Variants in SMTN observed in about 807,000 individuals in gnomAD.
The protein encoded by SMTN is smoothelin.
In SMTN, 58 loss-of-function variants were observed where a neutral mutation model predicts 102.0. The observed-to-expected ratio is 0.57, with a 90% CI of 0.46 to 0.71. The LOEUF (loss-of-function observed/expected upper bound fraction) is 0.71. Ranked by LOEUF, SMTN falls within the 30% of genes least tolerant of loss-of-function variation. SMTN has a pLI of 0.00. For synonymous variants in SMTN, 478 were observed against 497.9 expected (o/e 0.96, Z 0.53); for missense variants, 1,185 against 1,241.7 (o/e 0.95, Z 0.69).
At chr22:31,100,032 A>T in intron 19 of SMTN, 136 bp downstream of exon 19, 1 of 849,222 alleles carries the variant, frequency 1.2e-6, no homozygotes, top group East Asian at 2.7e-5. Flanking sequence ...CCTTCCCCAG[A>T]GAGTCCCCGT....
rs1602682768 is a variant in SMTN, at chr22:31,101,030, C to T, written c.*1C>T. ...GCTGGTAAAAACCAAAAAGTCCTAA[C>T]CCCTGCTCGGGGCCCCACGGTGAGA... On this transcript the variant is annotated 3_prime_UTR_variant, in exon 20 of 21. Transcript: ENST00000333137. 1 of 1,607,162 alleles carries T rather than the reference C, an allele frequency of 6.2e-7. No individual in the cohort carries two copies. Among genetic ancestry groups the T allele is most frequent in the Non-Finnish European group, 8.5e-7 (1 of 1,175,658 alleles).
intron 19 of SMTN, among the ~76,000 whole-genome samples, chr22:31,100,545 A>C: frequency 1.5e-5 from 2 of 134,428 alleles, no homozygotes; most frequent in Admixed American, 7.3e-5. Flanking sequence ...CCTCCTCTCC[A>C]ACCTTGGTGC....
At position 31,104,424 on chromosome 22, in the gene SMTN, C is replaced by T. The variant is rs1184170338; in HGVS notation, c.*129C>T. 1.9e-6 allele frequency: 3 copies of T among 1,614,054 alleles called. No homozygotes were observed. The highest frequency in any genetic ancestry group is 2.5e-6 in the Non-Finnish European group (3 of 1,180,026). On this transcript the variant is annotated 3_prime_UTR_variant, in exon 21 of 21. Transcript: ENST00000333137. Reference sequence around the variant, plus strand: ...CCTATGTGCAGTCGCTCTACAACCACCTGCGACGCCACGAACTGCGCCTGC... The same window carrying T: ...CCTATGTGCAGTCGCTCTACAACCATCTGCGACGCCACGAACTGCGCCTGC...
intron 8 of SMTN, 43 bp from the exon 9 acceptor site, chr22:31,090,765 T>G (rs1328778896): frequency 6.7e-7 from 1 of 1,492,292 alleles, no homozygotes; most frequent in African/African-American, 1.4e-5. Flanking sequence ...CCCTGTCTTT[T>G]CTCTTTCCCC....
In SMTN at chr22:31,095,353, T is replaced by C; in HGVS notation, c.1683T>C (p.Asn561=). 2 of 1,614,184 alleles carry C rather than the reference T, an allele frequency of 1.2e-6. No homozygotes were observed. Among genetic ancestry groups the C allele is most frequent in the East Asian group, 4.5e-5 (2 of 44,886 alleles). ...TCGCTGCAGCAGTGGAAGCGGCCAA[T>C]GGGGCTGAGCAGACCCGAGTGAACA... ...EPLAAAVEAA[N]GAEQTRVNKA... The change falls in exon 12 of 21, where the codon AAT becomes AAC. Residue 561 remains asparagine, a synonymous_variant. Coordinates refer to ENST00000333137, the MANE Select transcript of SMTN (RefSeq NM_134269.3). This position sits in a 1 kb window ranked among gnomAD's most constrained non-coding sequence, Gnocchi z 4.1.
At chr22:31,100,743 T>A (rs2147812248) in intron 19 of SMTN, 142 bp from the exon 20 acceptor site, 1 of 604,144 alleles carries the variant, frequency 1.7e-6, no homozygotes, top group African/African-American at 1.8e-5. Flanking sequence ...ATTGAACTCA[T>A]GTCTCTGTGT....
In SMTN at chr22:31,104,591, C is replaced by T. The variant is rs2044349493; in HGVS notation, c.*296C>T. On this transcript the variant is annotated 3_prime_UTR_variant, in exon 21 of 21. Coordinates refer to ENST00000333137, the MANE Select transcript of SMTN (RefSeq NM_134269.3). ...CGACACCCTCCCCCCCACATACACA[C>T]GCAGCGTTTTGATAAATTATTGGTT... 2.3e-5 allele frequency: 21 copies of T among 916,782 alleles called. No individual in the cohort carries two copies. The East Asian group carries it at 5.1e-4, about 22-fold the overall frequency. 56.8% of individuals were successfully genotyped at this position (916,782 alleles called of 1,614,324 possible). A position where few individuals can be genotyped will look rare whatever the true frequency, so the allele number is the denominator to read the frequency against.
At chr22:31,086,519 GTC>G (rs1035296340) in intron 2 of SMTN, among the ~76,000 whole-genome samples, 1 of 152,126 alleles carries the variant, frequency 6.6e-6, no homozygotes, top group African/African-American at 2.4e-5. Context: ...TTGCCCCCTT[GTC>G]TCTCTCCCTC....
chr22:31,079,276 A>G (rs776993354), upstream of SMTN, among the ~76,000 whole-genome samples: 1 of 152,216 alleles, frequency 6.6e-6, no homozygotes, highest in Non-Finnish European at 1.5e-5. Context: ...ACTCCCTTGC[A>G]GAGAGGAAGA....
intron 6 of SMTN, 73 bp downstream of exon 6, chr22:31,089,042 T>TGGGGAGGTCATGGCAGCAGCTGGGCAC: frequency 8.0e-7 from 1 of 1,245,676 alleles, no homozygotes. Flanking sequence ...CTGAGTGTCT[T>TGGGGAGGTCATGGCAGCAGCTGGGCAC]TGCTAGGCTG....
intron 20 of SMTN, 84 bp from the exon 21 acceptor site, chr22:31,104,232 G>A (rs964653494): frequency 6.6e-5 from 98 of 1,482,102 alleles, no homozygotes; most frequent in Non-Finnish European, 8.9e-5. Context: ...AGGCAATGCG[G>A]CAATAAAAAA....
chr22:31,090,872 G>A lies in SMTN; in HGVS notation c.930G>A (p.Gln310=). 1 of 1,613,904 alleles carries A rather than the reference G, an allele frequency of 6.2e-7. No individual in the cohort carries two copies. The highest frequency in any genetic ancestry group is 8.5e-7 in the Non-Finnish European group (1 of 1,179,920). The change falls in exon 9 of 21, where the codon CAG becomes CAA. Residue 310 remains glutamine, a synonymous_variant. Coordinates refer to ENST00000333137, the MANE Select transcript of SMTN (RefSeq NM_134269.3). Reference sequence around the variant, plus strand: ...TGCTCAGCCCCCGCCAACCAGCCCAGAACCGAGGTACTACCTATTCTCACC... The same window carrying A: ...TGCTCAGCCCCCGCCAACCAGCCCAAAACCGAGGTACTACCTATTCTCACC... The part of the protein sequence containing the change: ...LSVLSPRQPA[Q]NRESTPLASG...
At position 31,091,179 on chromosome 22, in the gene SMTN, C is replaced by G. The variant is rs771540620; in HGVS notation, c.1156C>G (p.Pro386Ala). Reference sequence around the variant, plus strand: ...CTCCAGCGGCTCCTCCTCTCGGGGCCCCAGTGATACCTCCTCCCGGTTCAG... The same window carrying G: ...CTCCAGCGGCTCCTCCTCTCGGGGCGCCAGTGATACCTCCTCCCGGTTCAG... The part of the protein sequence containing the change: ...SSSSGSSSRG[P>A]SDTSSRFSKE... Residue 386 changes from proline (P) to alanine (A), a missense_variant, in exon 10 of 21, where the codon CCC (proline) becomes GCC (alanine). Physicochemically the swap from Pro to Ala is conservative, Grantham distance 27. Coordinates refer to ENST00000333137, the MANE Select transcript of SMTN (RefSeq NM_134269.3). 8 of 1,613,438 alleles carry G rather than the reference C, an allele frequency of 5.0e-6. No individual in the cohort carries two copies. Among genetic ancestry groups the G allele is most frequent in the African/African-American group, 1.3e-5 (1 of 74,930 alleles).
chr22:31,098,959 A>C, intron 17 of SMTN, 103 bp from the exon 18 acceptor site: 1 of 1,537,790 alleles, frequency 6.5e-7, no homozygotes, highest in Non-Finnish European at 8.9e-7. Flanking sequence ...TGTGGTGCAA[A>C]GGCCCGAAGG....
Position 31,095,895 on chromosome 22 carries a change from T to G in SMTN, c.1861+286T>G. 3 of 483,660 alleles carry G rather than the reference T, an allele frequency of 6.2e-6. No homozygotes were observed. The highest frequency in any genetic ancestry group is 7.4e-6 in the Non-Finnish European group (2 of 269,968). 30.0% of individuals were successfully genotyped at this position (483,660 alleles called of 1,614,324 possible). On this transcript the variant is annotated intron_variant, in intron 13 of 20. Transcript: ENST00000333137. This position sits in a 1 kb window ranked among gnomAD's most constrained non-coding sequence, Gnocchi z 4.1. ...GCAGCTACTCTCTCCTTGGATCCAG[T>G]TGCCTCTCAAAGTACTGTCAACGAC...
upstream of SMTN, chr22:31,080,625 A>G: frequency 6.6e-6 from 1 of 152,028 alleles, no homozygotes; most frequent in East Asian, 1.9e-4. Context: ...TCTGGGCCTC[A>G]ATTTCCCCCT....
intron 11 of SMTN, among the ~76,000 whole-genome samples, chr22:31,094,498 G>C (rs2043407932): frequency 6.6e-6 from 1 of 152,158 alleles, no homozygotes; most frequent in African/African-American, 2.4e-5. Flanking sequence ...TCGGGAACTG[G>C]CAGCACAGAG....
chr22:31,095,554 T>C lies in SMTN; in HGVS notation c.1806T>C (p.Phe602=). The part of the protein sequence containing the change: ...LDKMLDQSTD[F]EERKLIRAAL... ...TGCAGCTGGATCAGAGCACGGACTTTGAAGAGCGGAAGCTCATCCGGGCTG... is the reference window on the plus strand; with the variant it reads ...TGCAGCTGGATCAGAGCACGGACTTCGAAGAGCGGAAGCTCATCCGGGCTG... The change falls in exon 13 of 21, where the codon TTT becomes TTC. Residue 602 remains phenylalanine, a synonymous_variant. Coordinates refer to ENST00000333137, the MANE Select transcript of SMTN (RefSeq NM_134269.3). The surrounding 1 kb of genome is among the most constrained non-coding windows in gnomAD (Gnocchi z 4.1). 6.2e-7 allele frequency: 1 copy of C among 1,614,106 alleles called. No homozygotes were observed. Among genetic ancestry groups the C allele is most frequent in the Non-Finnish European group, 8.5e-7 (1 of 1,179,996 alleles).
In SMTN at chr22:31,091,489, G is replaced by T; in HGVS notation, c.1459+7G>T. 6.6e-7 allele frequency: 1 copy of T among 1,517,464 alleles called. No individual in the cohort carries two copies. 94.0% of individuals were successfully genotyped at this position (1,517,464 alleles called of 1,614,324 possible). Reference sequence around the variant, plus strand: ...ACAGGCAACCAGAGGGCAGGTAGGCGCCCCCCACTGCCTCCCCAATGGGGA... The same window carrying T: ...ACAGGCAACCAGAGGGCAGGTAGGCTCCCCCCACTGCCTCCCCAATGGGGA... On this transcript the variant is annotated splice_region_variant and intron_variant, in intron 10 of 20. Coordinates refer to ENST00000333137, the MANE Select transcript of SMTN (RefSeq NM_134269.3).
Sources: allele counts gnomAD v4.1 joint callset (sites outside exome capture counted in the v4.1 genomes callset), GRCh38; gene constraint gnomAD v4.1.1; non-coding constraint Gnocchi (gnomAD v3.1); transcripts MANE v1.5; gene names NCBI Gene and HGNC (gene_info 2026-07-23, HGNC 2026-07-21).